The following TOR1B variants were observed in gnomAD, a reference collection of about 807,000 sequenced individuals.
TOR1B encodes torsin family 1 member B.
TOR1B carries 14 observed loss-of-function variants against 29.2 expected under a neutral mutation model. That is an observed-to-expected ratio of 0.48 (90% CI 0.32 to 0.75). The LOEUF is 0.75. Among genes scored for constraint, TOR1B ranks in the 30% least tolerant of loss-of-function variants. TOR1B has a pLI of 0.04. For synonymous variants in TOR1B, 166 were observed against 179.8 expected, an observed-to-expected ratio of 0.92 and a Z score of 0.62; for missense variants, 400 against 433.9, an observed-to-expected ratio of 0.92 and a Z score of 0.69.
At position 129,810,258 on chromosome 9, in the gene TOR1B, A is replaced by G. The variant is rs1311250236; in HGVS notation, c.*675A>G. 2.3e-6 allele frequency: 3 copies of G among 1,302,812 alleles called. No homozygotes were observed. The East Asian group carries it at 1.7e-4, about 73-fold the overall frequency. 80.7% of individuals were successfully genotyped at this position (1,302,812 alleles called of 1,614,324 possible). ...CTGACTTGAAGTATACTCAGTTAAA[A>G]TCGGGGCTGGAGGTGCAGACGGTGT... On this transcript the variant is annotated 3_prime_UTR_variant, in exon 5 of 5. Coordinates refer to ENST00000259339, the MANE Select transcript of TOR1B (RefSeq NM_014506.3).
Position 129,804,069 on chromosome 9 carries a change from G to C in TOR1B, c.200-4G>C. 6.2e-7 allele frequency: 1 copy of C among 1,613,904 alleles called. No individual in the cohort carries two copies. Among genetic ancestry groups the C allele is most frequent in the Non-Finnish European group, 8.5e-7 (1 of 1,179,838 alleles). On this transcript the variant is annotated splice_region_variant and splice_polypyrimidine_tract_variant and intron_variant, in intron 1 of 4. Transcript: ENST00000259339. ...CTCTCTTTGTTCTGGGGCTGTTCTTGCAGCTCTCAAGCTGGATTTGGAGGA... is the reference window on the plus strand; with the variant it reads ...CTCTCTTTGTTCTGGGGCTGTTCTTCCAGCTCTCAAGCTGGATTTGGAGGA...
At chr9:129,805,063 G>A (rs1260515481) in intron 2 of TOR1B, among the ~76,000 whole-genome samples, 1 of 151,644 alleles carries the variant, frequency 6.6e-6, no homozygotes, top group African/African-American at 2.4e-5. Flanking sequence ...GCCTGAACCC[G>A]GGAGGCGGAG....
intron 2 of TOR1B, among the ~76,000 whole-genome samples, chr9:129,806,255 G>A (rs2030478569): frequency 6.6e-6 from 1 of 152,186 alleles, no homozygotes; most frequent in South Asian, 2.1e-4. Flanking sequence ...AAGGAAGGAA[G>A]GAAGGATTTT....
intron 3 of TOR1B, among the ~76,000 whole-genome samples, chr9:129,807,845 CA>C (rs34329009): frequency 0.025 from 2,627 of 103,278 alleles, 61 homozygotes; most frequent in African/African-American, 0.08. Flanking sequence ...GACTCTGTCT[CA>C]AAAAAAAAAA....
rs749790395 is a variant in TOR1B at position 129,810,260 on chromosome 9, C to G, written c.*677C>G. On this transcript the variant is annotated 3_prime_UTR_variant, in exon 5 of 5. Transcript: ENST00000259339. ...GACTTGAAGTATACTCAGTTAAAAT[C>G]GGGGCTGGAGGTGCAGACGGTGTCT... 1 of 1,301,646 alleles carries G rather than the reference C, an allele frequency of 7.7e-7. No homozygotes were observed. Among genetic ancestry groups the G allele is most frequent in the Admixed American group, 2.3e-5 (1 of 42,986 alleles). The allele number at this position is 1,301,646 out of a possible 1,614,324, so 80.6% of individuals were successfully genotyped here. A position where few individuals can be genotyped will look rare whatever the true frequency, so the allele number is the denominator to read the frequency against.
Position 129,808,925 on chromosome 9 carries a change from T to C in TOR1B, c.662T>C (p.Ile221Thr). The C allele has an allele frequency of 6.2e-7, 1 of 1,613,684 alleles. No homozygotes were observed. The highest frequency in any genetic ancestry group is 8.5e-7 in the Non-Finnish European group (1 of 1,179,902). ...CTCAGCAATGCAGGCGGGGACCTTATAACTAAGACGGCTCTTGACTTTTGG... is the reference window on the plus strand; with the variant it reads ...CTCAGCAATGCAGGCGGGGACCTTACAACTAAGACGGCTCTTGACTTTTGG... ...IFLSNAGGDL[I>T]TKTALDFWRA... Residue 221 changes from isoleucine to threonine, a missense_variant, in exon 4 of 5, where the codon ATA (isoleucine) becomes ACA (threonine). Physicochemically the swap from Ile to Thr is moderately conservative, Grantham distance 89 (BLOSUM62 -1). Coordinates refer to ENST00000259339, the MANE Select transcript of TOR1B (RefSeq NM_014506.3).
At chr9:129,804,394 C>A in intron 2 of TOR1B, 56 bp downstream of exon 2, 1 of 1,587,288 alleles carries the variant, frequency 6.3e-7, no homozygotes, top group African/African-American at 1.3e-5. Flanking sequence ...TCCGGGTGAC[C>A]TGCTCACTAA....
chr9:129,810,182 C>T lies in TOR1B; in HGVS notation c.*599C>T. ...AGCAGGCTGCGGGGCACTGTGTTCT[C>T]ATTGGCCAAAAACATCCTTTTGCTC... is the stretch of plus-strand genomic sequence containing the variant. On this transcript the variant is annotated 3_prime_UTR_variant, in exon 5 of 5. Coordinates refer to ENST00000259339, the MANE Select transcript of TOR1B (RefSeq NM_014506.3). The T allele has an allele frequency of 7.7e-7, 1 of 1,304,232 alleles. No homozygotes were observed. Among genetic ancestry groups the T allele is most frequent in the East Asian group, 5.5e-5 (1 of 18,026 alleles). The allele number at this position is 1,304,232 out of a possible 1,614,324, so 80.8% of individuals were successfully genotyped here.
chr9:129,808,081 A>G (rs376693344), intron 3 of TOR1B, among the ~76,000 whole-genome samples: 33 of 152,148 alleles, frequency 2.2e-4, no homozygotes, highest in African/African-American at 8.0e-4. Context: ...TTAACTGTGC[A>G]TGTTGGTTTT....
rs956267482 is a variant in TOR1B at position 129,803,418 on chromosome 9, C to T, written c.199+7C>T. On this transcript the variant is annotated splice_region_variant and intron_variant, in intron 1 of 4. Coordinates refer to ENST00000259339, the MANE Select transcript of TOR1B (RefSeq NM_014506.3). ...CGGCCGCTCAACGCTTCGGGTACGG[C>T]GCGCGCGCGAGCTGTGGGTCGGCGC... 6 of 1,503,838 alleles carry T rather than the reference C, an allele frequency of 4.0e-6. No individual in the cohort carries two copies. In the Admixed American group the frequency reaches 1.0e-4, roughly 26 times the overall value. The allele number at this position is 1,503,838 out of a possible 1,614,324, so 93.2% of individuals were successfully genotyped here.
intron 2 of TOR1B, 74 bp downstream of exon 2, chr9:129,804,412 C>T: frequency 6.4e-7 from 1 of 1,555,062 alleles, no homozygotes; most frequent in Non-Finnish European, 8.7e-7. Context: ...TAACTCTGGC[C>T]TCTGCTTCTC....
At position 129,803,401 on chromosome 9, in the gene TOR1B, C is replaced by A; in HGVS notation, c.189C>A (p.Leu63=). The part of the protein sequence containing the change: ...FAECCREERP[L]NASALKLDLE... The stretch of plus-strand genomic sequence containing the variant: ...AGTGCTGCCGCGAGGAGCGGCCGCT[C>A]AACGCTTCGGGTACGGCGCGCGCGC... Residue 63 remains leucine (L), a synonymous_variant, in exon 1 of 5, where the codon CTC becomes CTA. Transcript: ENST00000259339. 1 of 1,538,872 alleles carries A rather than the reference C, an allele frequency of 6.5e-7. No individual in the cohort carries two copies.
Position 129,810,332 on chromosome 9 carries a change from G to T in TOR1B, c.*749G>T. 7.9e-7 allele frequency: 1 copy of T among 1,263,586 alleles called. No individual in the cohort carries two copies. The highest frequency in any genetic ancestry group is 1.0e-6 in the Non-Finnish European group (1 of 963,054). 78.3% of individuals were successfully genotyped at this position (1,263,586 alleles called of 1,614,324 possible). A position where few individuals can be genotyped will look rare whatever the true frequency, so the allele number is the denominator to read the frequency against. On this transcript the variant is annotated 3_prime_UTR_variant, in exon 5 of 5. Transcript: ENST00000259339. ...CCGCCGAGCACTCTTGATCTGAGCTGACCTGTGTGTGTGTGTGTGGGGGGG... is the reference window on the plus strand; with the variant it reads ...CCGCCGAGCACTCTTGATCTGAGCTTACCTGTGTGTGTGTGTGTGGGGGGG...
At position 129,810,208 on chromosome 9, in the gene TOR1B, T is replaced by C. The variant is rs1181872631; in HGVS notation, c.*625T>C. On this transcript the variant is annotated 3_prime_UTR_variant, in exon 5 of 5. Coordinates refer to ENST00000259339, the MANE Select transcript of TOR1B (RefSeq NM_014506.3). ...ATTGGCCAAAAACATCCTTTTGCTCTGTCTCGTTCTTTACACAGAGTTCAC... is the reference window on the plus strand; with the variant it reads ...ATTGGCCAAAAACATCCTTTTGCTCCGTCTCGTTCTTTACACAGAGTTCAC... 17 of 1,304,172 alleles carry C rather than the reference T, an allele frequency of 1.3e-5. No homozygotes were observed. The highest frequency in any genetic ancestry group is 2.1e-4 in the Middle Eastern group (1 of 4,718). 80.8% of individuals were successfully genotyped at this position (1,304,172 alleles called of 1,614,324 possible).
chr9:129,809,745 C>T lies in TOR1B; in HGVS notation c.*162C>T, dbSNP rs973941375. On this transcript the variant is annotated 3_prime_UTR_variant, in exon 5 of 5. Transcript: ENST00000259339. ...TGAGAAGAGGTCTCACTCCGTCATCCAAGCTGGAGTGCAGTGGTGCAATCC... is the reference window on the plus strand; with the variant it reads ...TGAGAAGAGGTCTCACTCCGTCATCTAAGCTGGAGTGCAGTGGTGCAATCC... 2.8e-6 allele frequency: 4 copies of T among 1,431,966 alleles called. No homozygotes were observed. In the Admixed American group the frequency reaches 1.1e-4, roughly 41 times the overall value. 88.7% of individuals were successfully genotyped at this position (1,431,966 alleles called of 1,614,324 possible). A position where few individuals can be genotyped will look rare whatever the true frequency, so the allele number is the denominator to read the frequency against.
chr9:129,803,466 GGGCGCGGA>G (rs1386049611), intron 1 of TOR1B, 55 bp downstream of exon 1: 21 of 1,231,678 alleles, frequency 1.7e-5, no homozygotes, highest in Non-Finnish European at 1.9e-5. Flanking sequence ...GGGGGCGCGG[GGGCGCGGA>G]GGGACGGCCT....
rs747001255 is a variant in TOR1B at position 129,808,915 on chromosome 9, G to A, written c.652G>A (p.Gly218Arg). 5.0e-6 allele frequency: 8 copies of A among 1,613,336 alleles called. No individual in the cohort carries two copies. The highest frequency in any genetic ancestry group is 1.3e-5 in the African/African-American group (1 of 74,928). Reference sequence around the variant, plus strand: ...CTCTGGCAAACTCAGCAATGCAGGCGGGGACCTTATAACTAAGACGGCTCT... The same window carrying A: ...CTCTGGCAAACTCAGCAATGCAGGCAGGGACCTTATAACTAAGACGGCTCT... ...AIFIFLSNAGGDLITKTALDF... is the reference protein window; with the variant it reads ...AIFIFLSNAGRDLITKTALDF... Residue 218 changes from glycine to arginine, a missense_variant, in exon 4 of 5, where the codon GGG (glycine) becomes AGG (arginine). Coordinates refer to ENST00000259339, the MANE Select transcript of TOR1B (RefSeq NM_014506.3).
rs1297297040 is a variant in TOR1B, at chr9:129,809,849, G to A, written c.*266G>A. ...CCCGAGTAGCTGGGATTACAGGCATGAGCCACTGTGCCCAGCTGGGATATA... is the reference window on the plus strand; with the variant it reads ...CCCGAGTAGCTGGGATTACAGGCATAAGCCACTGTGCCCAGCTGGGATATA... On this transcript the variant is annotated 3_prime_UTR_variant, in exon 5 of 5. Coordinates refer to ENST00000259339, the MANE Select transcript of TOR1B (RefSeq NM_014506.3). 1 of 1,338,480 alleles carries A rather than the reference G, an allele frequency of 7.5e-7. No homozygotes were observed. Among genetic ancestry groups the A allele is most frequent in the Non-Finnish European group, 9.6e-7 (1 of 1,039,944 alleles). 82.9% of individuals were successfully genotyped at this position (1,338,480 alleles called of 1,614,324 possible).
Position 129,810,464 on chromosome 9 carries a change from G to C in TOR1B, c.*881G>C. 8.6e-7 allele frequency: 1 copy of C among 1,158,346 alleles called. No individual in the cohort carries two copies. Among genetic ancestry groups the C allele is most frequent in the Admixed American group, 3.4e-5 (1 of 29,600 alleles). The allele number at this position is 1,158,346 out of a possible 1,614,324, so 71.8% of individuals were successfully genotyped here. A position where few individuals can be genotyped will look rare whatever the true frequency, so the allele number is the denominator to read the frequency against. On this transcript the variant is annotated 3_prime_UTR_variant, in exon 5 of 5. Transcript: ENST00000259339. ...AGCCCTGGCTGTGGAATCCTTCACC[G>C]TCTCAGCTGGTATCAGCCCCAGCCT...
Sources: gnomAD v4.1 joint callset for allele counts (sites outside exome capture counted in the v4.1 genomes callset) on GRCh38, gnomAD v4.1.1 for gene constraint, MANE v1.5 for transcripts, NCBI Gene and HGNC (gene_info 2026-07-23, HGNC 2026-07-21) for gene names.